SPEG: variants seen among roughly 807,000 people sequenced by gnomAD.
The protein encoded by SPEG is striated muscle preferentially expressed protein kinase.
SPEG carries 114 observed loss-of-function variants against 300.4 expected under a neutral mutation model. The ratio of observed to expected loss-of-function variants is 0.38; its 90% CI spans 0.33 to 0.44. The LOEUF is 0.44. Among genes scored for constraint, SPEG ranks in the 20% least tolerant of loss-of-function variants. SPEG has a pLI of 1.00. For missense variants in SPEG, 4,201 were observed against 4,586.2 expected, an observed-to-expected ratio of 0.92 and a Z score of 2.43; for synonymous variants, 1,964 against 2,018.9, an observed-to-expected ratio of 0.97 and a Z score of 0.73.
At position 219,483,294 on chromosome 2, in the gene SPEG, C is replaced by G. The variant is rs1340712535; in HGVS notation, c.5831C>G (p.Ser1944Cys). ...SVPRPLQPEF[S>C]GSRVSLTDIP... ...CCCCGCCCACTGCAGCCCGAGTTCTCTGGCTCCCGGGTGTCCCTCACAGAC... is the reference window on the plus strand; with the variant it reads ...CCCCGCCCACTGCAGCCCGAGTTCTGTGGCTCCCGGGTGTCCCTCACAGAC... Residue 1944 changes from serine to cysteine, a missense_variant, in exon 30 of 41, where the codon TCT (serine) becomes TGT (cysteine). Physicochemically the swap from Ser to Cys is moderately radical, Grantham distance 112 (BLOSUM62 -1). Around this residue, in one of 4 missense-constraint regions of SPEG, gnomAD observed 1,578 missense variants for 1,506.0 expected, o/e 1.05. Coordinates refer to ENST00000312358, the MANE Select transcript of SPEG (RefSeq NM_005876.5). 3 of 1,606,888 alleles carry G rather than the reference C, an allele frequency of 1.9e-6. No homozygotes were observed. The highest frequency in any genetic ancestry group is 2.2e-5 in the East Asian group (1 of 44,748).
At position 219,489,368 on chromosome 2, in the gene SPEG, G is replaced by C. The variant is rs776716559; in HGVS notation, c.8350G>C (p.Glu2784Gln). The change falls in exon 36 of 41, where the codon GAG becomes CAG. Residue 2784 changes from glutamate to glutamine, a missense_variant. Around this residue, in one of 4 missense-constraint regions of SPEG, gnomAD observed 1,578 missense variants for 1,506.0 expected, o/e 1.05. Coordinates refer to ENST00000312358, the MANE Select transcript of SPEG (RefSeq NM_005876.5). ...AGCTGTGCCATCTGCTGCCCACCAA[G>C]AGGCCCCTGTCACCTCAAGGCCAGC... ...SSAVPSAAHQ[E>Q]APVTSRPARA... 1.9e-6 allele frequency: 3 copies of C among 1,613,482 alleles called. No homozygotes were observed.
chr2:219,450,818 C>T, intron 4 of SPEG: 1 of 210,658 alleles, frequency 4.7e-6, no homozygotes, highest in Non-Finnish European at 9.4e-6. Flanking sequence ...TACATGATGG[C>T]TGACGTGTTA....
intron 9 of SPEG, chr2:219,465,688 G>A (rs143165048): frequency 5.5e-4 from 185 of 334,368 alleles, no homozygotes; most frequent in African/African-American, 3.7e-3. Flanking sequence ...GCTAGCTGCC[G>A]GCCCTCGCAG....
In SPEG at chr2:219,462,082, A is replaced by C. The variant is rs747498673; in HGVS notation, c.2616+25A>C. ...GGTCAGACCCCTGAGGCTGGGGCCT[A>C]GCCTCCTGTGTGCCCCCGTTCCTTT... On this transcript the variant is annotated intron_variant, in intron 7 of 40. Transcript: ENST00000312358. The C allele has an allele frequency of 1.9e-6, 3 of 1,571,284 alleles. No homozygotes were observed. In the South Asian group the frequency reaches 3.5e-5, roughly 18 times the overall value.
At chr2:219,461,687 A>G (rs1008480765) in intron 6 of SPEG, 195 bp from the exon 7 acceptor site, 1 of 792,518 alleles carries the variant, frequency 1.3e-6, no homozygotes, top group Middle Eastern at 3.7e-4. Context: ...TGGCAGAGCC[A>G]GTGGCAGAGG....
chr2:219,479,990 C>T lies in SPEG; in HGVS notation c.5192C>T (p.Ala1731Val). 1 of 1,614,188 alleles carries T rather than the reference C, an allele frequency of 6.2e-7. No individual in the cohort carries two copies. The highest frequency in any genetic ancestry group is 8.5e-7 in the Non-Finnish European group (1 of 1,180,036). ...GAGAACCTGCTGGTGTGGGATGGTG[C>T]TGCGGGCGAGCAGCAGGTGCGGATC... ...KPENLLVWDGAAGEQQVRICD... is the reference protein window; with the variant it reads ...KPENLLVWDGVAGEQQVRICD... The change falls in exon 25 of 41, where the codon GCT becomes GTT. Residue 1731 changes from alanine to valine, a missense_variant. This residue lies in a region of SPEG where 1,047 missense variants were observed against 1,356.8 expected (regional missense o/e 0.77). Coordinates refer to ENST00000312358, the MANE Select transcript of SPEG (RefSeq NM_005876.5). The surrounding 1 kb of genome is among the most constrained non-coding windows in gnomAD (Gnocchi z 5.5).
intron 6 of SPEG, among the ~76,000 whole-genome samples, chr2:219,456,485 G>A (rs1690192541): frequency 6.6e-6 from 1 of 152,260 alleles, no homozygotes; most frequent in South Asian, 2.1e-4. Context: ...CTGCCTGACA[G>A]GTGGCCTCCC....
chr2:219,465,924 C>CGCGTGTGCGTGCGCGTGT (rs1691273201), intron 9 of SPEG: 13 of 541,572 alleles, frequency 2.4e-5, no homozygotes, highest in East Asian at 9.6e-5. Context: ...TGTGTGTGTG[C>CGCGTGTGCGTGCGCGTGT]GCGCGTGTGC....
rs763922724 is a variant in SPEG, at chr2:219,469,343, C to T, written c.3679C>T (p.Arg1227Cys). 43 of 1,613,688 alleles carry T rather than the reference C, an allele frequency of 2.7e-5. No homozygotes were observed. Among genetic ancestry groups the T allele is most frequent in the South Asian group, 4.4e-5 (4 of 91,074 alleles). The change falls in exon 13 of 41, where the codon CGC becomes TGC. Residue 1227 changes from arginine (R) to cysteine (C), a missense_variant. Transcript: ENST00000312358. Reference protein sequence around the residue: ...PTISWFHNGHRIQSSDDRRMT... With the variant: ...PTISWFHNGHCIQSSDDRRMT... The stretch of plus-strand genomic sequence containing the variant: ...CATCAGCTGGTTCCACAATGGCCAC[C>T]GCATCCAGAGCAGCGACGACCGGCG...
chr2:219,457,710 A>G (rs1189829440), intron 6 of SPEG, among the ~76,000 whole-genome samples: 1 of 152,232 alleles, frequency 6.6e-6, no homozygotes, highest in African/African-American at 2.4e-5. Flanking sequence ...CAGAGGCCTG[A>G]GGCTGGCCCT....
At position 219,480,839 on chromosome 2, in the gene SPEG, AC is replaced by A; in HGVS notation, c.5369+146del. 1 of 795,686 alleles carries A rather than the reference AC, an allele frequency of 1.3e-6. No homozygotes were observed. The highest frequency in any genetic ancestry group is 2.1e-6 in the Non-Finnish European group (1 of 471,684). 49.3% of individuals were successfully genotyped at this position (795,686 alleles called of 1,614,324 possible). A position where few individuals can be genotyped will look rare whatever the true frequency, so the allele number is the denominator to read the frequency against. On this transcript the variant is annotated intron_variant, in intron 26 of 40. Transcript: ENST00000312358. The surrounding 1 kb of genome is among the most constrained non-coding windows in gnomAD (Gnocchi z 5.3). ...GAGCCTCATGTGCATGAAGGTGGAC[AC>A]CCCTGTCTGCATGCCCACACTCTGC... is the stretch of plus-strand genomic sequence containing the variant.
chr2:219,449,191 G>C lies in SPEG; in HGVS notation c.2033G>C (p.Gly678Ala), dbSNP rs1315249299. 2.9e-6 allele frequency: 4 copies of C among 1,395,156 alleles called. No homozygotes were observed. The highest frequency in any genetic ancestry group is 2.8e-6 in the Non-Finnish European group (3 of 1,075,440). The allele number at this position is 1,395,156 out of a possible 1,614,324, so 86.4% of individuals were successfully genotyped here. The change falls in exon 4 of 41, where the codon GGT becomes GCT. Residue 678 changes from glycine to alanine, a missense_variant. Physicochemically the swap from Gly to Ala is moderately conservative, Grantham distance 60. Around this residue, in one of 4 missense-constraint regions of SPEG, gnomAD observed 1,258 missense variants for 1,293.9 expected, o/e 0.97. Coordinates refer to ENST00000312358, the MANE Select transcript of SPEG (RefSeq NM_005876.5). ...CTTCGCAGAGGGCCGGAGGAGGACGGTCCCTGGGGGCCCTGGGACCGCCGA... is the reference window on the plus strand; with the variant it reads ...CTTCGCAGAGGGCCGGAGGAGGACGCTCCCTGGGGGCCCTGGGACCGCCGA... ...KRLRRGPEED[G>A]PWGPWDRRGA...
intron 18 of SPEG, chr2:219,474,519 G>A (rs1326577395): frequency 1.3e-5 from 2 of 152,458 alleles, no homozygotes; most frequent in African/African-American, 4.8e-5. Flanking sequence ...TACAGATGAG[G>A]AGACTGAGGC....
At chr2:219,456,920 A>AG in intron 6 of SPEG, among the ~76,000 whole-genome samples, 1 of 51,314 alleles carries the variant, frequency 1.9e-5, no homozygotes, top group Admixed American at 2.7e-4. Context: ...AAAAAAAAAA[A>AG]AAAAGAAAAG....
At chr2:219,460,111 G>T (rs1690528587) in intron 6 of SPEG, among the ~76,000 whole-genome samples, 1 of 152,222 alleles carries the variant, frequency 6.6e-6, no homozygotes, top group South Asian at 2.1e-4. Flanking sequence ...AAGGTGGGTG[G>T]CGGGCAAGTT....
chr2:219,436,646 C>T (rs769050961), intron 1 of SPEG, among the ~76,000 whole-genome samples: 3 of 152,148 alleles, frequency 2.0e-5, no homozygotes, highest in Admixed American at 6.5e-5. Flanking sequence ...CTCCCTCCAT[C>T]GGCATCTCCT....
Position 219,489,185 on chromosome 2 carries a change from A to T in SPEG, c.8281A>T (p.Asn2761Tyr). ...ANRAGQGPFSNSSEKVFVRGT... is the reference protein window; with the variant it reads ...ANRAGQGPFSYSSEKVFVRGT... Reference sequence around the variant, plus strand: ...CCGTGCTGGGCAGGGGCCCTTCAGCAACTCTTCTGAGAAGGTCTTTGTCAG... The same window carrying T: ...CCGTGCTGGGCAGGGGCCCTTCAGCTACTCTTCTGAGAAGGTCTTTGTCAG... Residue 2761 changes from asparagine (N) to tyrosine (Y), a missense_variant, in exon 35 of 41, where the codon AAC becomes TAC. Asn to Tyr is a moderately radical substitution (Grantham distance 143). Coordinates refer to ENST00000312358, the MANE Select transcript of SPEG (RefSeq NM_005876.5). 1 of 1,613,860 alleles carries T rather than the reference A, an allele frequency of 6.2e-7. No individual in the cohort carries two copies. Among genetic ancestry groups the T allele is most frequent in the Admixed American group, 1.7e-5 (1 of 59,998 alleles).
chr2:219,469,821 T>C (rs1488445976), intron 13 of SPEG, among the ~76,000 whole-genome samples: 1 of 152,144 alleles, frequency 6.6e-6, no homozygotes, highest in Non-Finnish European at 1.5e-5. Flanking sequence ...TCAGCGGTGG[T>C]ACTTCCTGGA....
rs1311103554 is a variant in SPEG at position 219,435,365 on chromosome 2, G to A, written c.388G>A (p.Asp130Asn). The part of the protein sequence containing the change: ...EAVLTVLEVG[D>N]SETAEDDISD... ...GGTGCTCACAGTGCTGGAGGTCGGA[G>A]GTAAAGGGCAGGTGGGGGCCGCGCC... Residue 130 changes from aspartate (D) to asparagine (N), a missense_variant and splice_region_variant, in exon 1 of 41, where the codon GAC becomes AAC. Physicochemically the swap from Asp to Asn is conservative, Grantham distance 23. This residue lies in a region of SPEG where 1,258 missense variants were observed against 1,293.9 expected (regional missense o/e 0.97). Transcript: ENST00000312358. The A allele has an allele frequency of 1.3e-6, 2 of 1,535,142 alleles. No homozygotes were observed. The highest frequency in any genetic ancestry group is 2.5e-5 in the East Asian group (1 of 40,444).
Sources: allele counts gnomAD v4.1 joint callset (sites outside exome capture counted in the v4.1 genomes callset), GRCh38; gene constraint gnomAD v4.1.1; regional missense constraint gnomAD v4.1.1; non-coding constraint Gnocchi (gnomAD v3.1); transcripts MANE v1.5; gene names NCBI Gene and HGNC (gene_info 2026-07-23, HGNC 2026-07-21).